The following SHISA9 variants were observed in gnomAD, a reference collection of about 807,000 sequenced individuals.
SHISA9 encodes the protein protein shisa-9.
A neutral mutation model predicts 38.0 loss-of-function variants in SHISA9; 13 were observed. The ratio of observed to expected loss-of-function variants is 0.34; its 90% confidence interval spans 0.22 to 0.54. SHISA9 has a LOEUF of 0.54. Among genes scored for constraint, SHISA9 ranks in the 20% least tolerant of loss-of-function variants. SHISA9 has a pLI of 0.91. For missense variants in SHISA9, 538 were observed against 575.8 expected (o/e 0.93, Z 0.67); for synonymous variants, 275 against 242.0 (o/e 1.14, Z -1.27).
chr16:13,354,426 G>C, the SHISA9 span, among the ~76,000 whole-genome samples: 1 of 150,964 alleles, frequency 6.6e-6, no homozygotes, highest in Non-Finnish European at 1.5e-5. Context: ...TGGGGGTCAG[G>C]TGTGGTATCA....
In SHISA9 at chr16:13,101,313, G is replaced by A. The variant is rs114440417; in HGVS notation, c.692-102081G>A. ...GGTAACTATGTAAGATGACAGATGT[G>A]TTAATTAGCTTTATTGTATCGATTA... On this transcript the variant is annotated intron_variant, in intron 2 of 4. Coordinates refer to ENST00000558583, the MANE Select transcript of SHISA9 (RefSeq NM_001145204.3). 8.8e-3 allele frequency among the ~76,000 whole-genome samples: 1,345 copies of A among 152,284 alleles called. 21 individuals are homozygous for A. The highest frequency in any genetic ancestry group is 0.031 in the African/African-American group (1,281 of 41,542).
At chr16:13,303,536 A>G in the SHISA9 span, among the ~76,000 whole-genome samples, 1 of 152,204 alleles carries the variant, frequency 6.6e-6, no homozygotes, top group Admixed American at 6.5e-5. Context: ...AAACATCTAG[A>G]ATAGGTAAAC....
intron 2 of SHISA9, among the ~76,000 whole-genome samples, chr16:12,944,708 T>C (rs934873922): frequency 1.3e-5 from 2 of 152,190 alleles, no homozygotes; most frequent in Non-Finnish European, 2.9e-5. Context: ...ATGTTCCTTA[T>C]GCAGGAATAG....
the SHISA9 span, among the ~76,000 whole-genome samples, chr16:13,335,425 C>T: frequency 6.6e-6 from 1 of 152,160 alleles, no homozygotes; most frequent in Admixed American, 6.5e-5. Flanking sequence ...ATATCTATCC[C>T]CTACCCCCCT....
At chr16:13,012,309 T>G (rs2072688101) in intron 2 of SHISA9, among the ~76,000 whole-genome samples, 1 of 152,122 alleles carries the variant, frequency 6.6e-6, no homozygotes, top group Non-Finnish European at 1.5e-5. Context: ...CAAGTGGCCC[T>G]CTCTGCAGAA....
chr16:13,138,781 T>C (rs1596674800), intron 2 of SHISA9, among the ~76,000 whole-genome samples: 3 of 152,330 alleles, frequency 2.0e-5, no homozygotes, highest in Middle Eastern at 3.4e-3. Flanking sequence ...CATGTGAGCA[T>C]GTTATGAGGA....
chr16:13,411,601 CTGT>C, the SHISA9 span, among the ~76,000 whole-genome samples: 1 of 152,330 alleles, frequency 6.6e-6, no homozygotes, highest in South Asian at 2.1e-4. Context: ...CATCCTGAGC[CTGT>C]TGTTTTCATT....
intron 2 of SHISA9, among the ~76,000 whole-genome samples, chr16:13,090,031 C>G (rs9937090): frequency 0.053 from 8,040 of 152,216 alleles, 353 homozygotes; most frequent in Admixed American, 0.14. Context: ...CAAAGAACAT[C>G]TTTATTTCTG....
intron 2 of SHISA9, among the ~76,000 whole-genome samples, chr16:12,950,617 G>GTT (rs879473295): frequency 1.5e-4 from 22 of 143,538 alleles, no homozygotes; most frequent in African/African-American, 4.3e-4. Flanking sequence ...CTTTTAATTT[G>GTT]TTTTTTTTTT....
intron 4 of SHISA9, among the ~76,000 whole-genome samples, chr16:13,226,276 C>T (rs907792880): frequency 6.6e-6 from 1 of 152,214 alleles, no homozygotes; most frequent in Non-Finnish European, 1.5e-5. Context: ...AACCTCTAAC[C>T]ACCTCCTTGT....
chr16:13,469,358 G>GA, the SHISA9 span, among the ~76,000 whole-genome samples: 367 of 67,262 alleles, frequency 5.5e-3, no homozygotes, highest in Admixed American at 0.01. Flanking sequence ...AAGAAAGAAA[G>GA]AAAAGAAAAA....
intron 2 of SHISA9, among the ~76,000 whole-genome samples, chr16:12,996,581 T>C (rs1464424049): frequency 6.6e-6 from 1 of 152,294 alleles, no homozygotes; most frequent in East Asian, 1.9e-4. Flanking sequence ...TAGTCTGGAT[T>C]TGTGCAGTGT....
chr16:13,219,998 T>C (rs1362150859), intron 4 of SHISA9, among the ~76,000 whole-genome samples: 2 of 152,106 alleles, frequency 1.3e-5, no homozygotes, highest in Non-Finnish European at 2.9e-5. Context: ...GCATCTCACC[T>C]GAAAATTGGG....
Position 13,212,257 on chromosome 16 carries a change from C to T in SHISA9, c.848-996C>T, listed in dbSNP as rs185493196. 7.2e-5 allele frequency among the ~76,000 whole-genome samples: 11 copies of T among 152,218 alleles called. 1 individual carries two copies. On this transcript the variant is annotated intron_variant, in intron 3 of 4. Transcript: ENST00000558583. ...GCCTAAGAAAGGAAAGAGCTAGGAC[C>T]ACACGCTGATTGGCCAGGTCTCCAG...
intron 2 of SHISA9, among the ~76,000 whole-genome samples, chr16:13,119,835 A>T (rs2074068113): frequency 1.3e-5 from 2 of 152,180 alleles, no homozygotes; most frequent in South Asian, 4.1e-4. Context: ...TTAATATTGA[A>T]AGGGAGTTAA....
At chr16:13,032,468 TA>T (rs1204562081) in intron 2 of SHISA9, among the ~76,000 whole-genome samples, 1 of 152,176 alleles carries the variant, frequency 6.6e-6, no homozygotes, top group Non-Finnish European at 1.5e-5. Context: ...TTCCTGTCTT[TA>T]AAAAAATGTG....
At chr16:13,083,733 G>C (rs1301223096) in intron 2 of SHISA9, among the ~76,000 whole-genome samples, 1 of 152,160 alleles carries the variant, frequency 6.6e-6, no homozygotes, top group African/African-American at 2.4e-5. Flanking sequence ...TGCTTCAGGG[G>C]GTGGGGAAAG....
chr16:12,934,577 G>A (rs767734391), intron 2 of SHISA9, among the ~76,000 whole-genome samples: 3 of 152,126 alleles, frequency 2.0e-5, no homozygotes, highest in African/African-American at 7.2e-5. Context: ...TGTTTAGCTG[G>A]CCCTCCTTAA....
intron 1 of SHISA9, chr16:12,909,131 G>C: frequency 1.0e-6 from 1 of 985,590 alleles, no homozygotes; most frequent in South Asian, 4.7e-5. Context: ...TCTACTGTTG[G>C]CCACAGAAAA....
Sources: allele counts gnomAD v4.1 joint callset (sites outside exome capture counted in the v4.1 genomes callset), GRCh38; gene constraint gnomAD v4.1.1; transcripts MANE v1.5; gene names NCBI Gene and HGNC (gene_info 2026-07-23, HGNC 2026-07-21).